Variants in INTS4 observed in about 807,000 individuals in gnomAD.
INTS4 encodes the protein integrator complex subunit 4.
A neutral mutation model predicts 119.5 loss-of-function variants in INTS4; 70 were observed. The ratio of observed to expected loss-of-function variants is 0.59; its 90% CI spans 0.48 to 0.71. The LOEUF is 0.71. INTS4 is among the 30% of genes least tolerant of loss of function. The pLI, the probability that INTS4 is intolerant of heterozygous loss-of-function variation, is 0.00. For missense variants in INTS4, 867 were observed against 1,173.2 expected (o/e 0.74, Z 3.81); for synonymous variants, 316 against 419.6 (o/e 0.75, Z 3.02).
rs1298700216 is a variant in INTS4 at position 77,878,891 on chromosome 11, C to G, written c.*58G>C. On this transcript the variant is annotated 3_prime_UTR_variant, in exon 23 of 23. Coordinates refer to ENST00000534064, the MANE Select transcript of INTS4 (RefSeq NM_033547.4). The stretch of plus-strand genomic sequence containing the variant: ...TCCAGGTGAAGTGCTTCAGGCTTGG[C>G]TCATTCTGACACCTAAGAAGGGCCC... 7.4e-7 allele frequency: 1 copy of G among 1,346,446 alleles called. No homozygotes were observed. The highest frequency in any genetic ancestry group is 1.4e-5 in the African/African-American group (1 of 69,664). 83.4% of individuals were successfully genotyped at this position (1,346,446 alleles called of 1,614,324 possible).
chr11:77,968,475 T>C (rs1398859732), intron 4 of INTS4, among the ~76,000 whole-genome samples: 1 of 152,150 alleles, frequency 6.6e-6, no homozygotes, highest in Non-Finnish European at 1.5e-5. Flanking sequence ...AGAATGGTGG[T>C]TGTTAGGGAC....
At chr11:77,914,446 C>T (rs1953160519) in intron 15 of INTS4, among the ~76,000 whole-genome samples, 2 of 152,162 alleles carry the variant, frequency 1.3e-5, no homozygotes, top group Admixed American at 6.5e-5. Flanking sequence ...GGGCTCAGGG[C>T]CAACAACCTC....
intron 18 of INTS4, among the ~76,000 whole-genome samples, chr11:77,896,473 A>G (rs1952523569): frequency 6.6e-6 from 1 of 151,988 alleles, no homozygotes; most frequent in African/African-American, 2.4e-5. Context: ...CCAAACATGG[A>G]GAAACCCTGT....
At chr11:77,980,680 C>T (rs1856170357) in intron 3 of INTS4, among the ~76,000 whole-genome samples, 1 of 152,160 alleles carries the variant, frequency 6.6e-6, no homozygotes, top group Non-Finnish European at 1.5e-5. Flanking sequence ...TGTGCCTAGC[C>T]TGTTTTAGTG....
chr11:77,877,862 G>C (rs1355180854), downstream of INTS4, among the ~76,000 whole-genome samples: 5 of 151,960 alleles, frequency 3.3e-5, no homozygotes. Flanking sequence ...TGGGATTATA[G>C]GCATGAGCCA....
intron 8 of INTS4, among the ~76,000 whole-genome samples, chr11:77,947,480 G>A (rs183784557): frequency 1.3e-5 from 2 of 152,294 alleles, no homozygotes; most frequent in East Asian, 1.9e-4. Context: ...GAGAGAATGG[G>A]ATAGAATTAA....
intron 15 of INTS4, chr11:77,910,968 A>G (rs1475537282): frequency 5.5e-6 from 7 of 1,283,206 alleles, no homozygotes; most frequent in Non-Finnish European, 7.1e-6. Context: ...ACTGTGGGAA[A>G]CCTTAAGGTC....
chr11:77,938,013 T>A (rs1056383424), intron 10 of INTS4, among the ~76,000 whole-genome samples: 6 of 151,982 alleles, frequency 3.9e-5, no homozygotes, highest in African/African-American at 1.5e-4. Flanking sequence ...ATACCAGCTA[T>A]TTTTTGTATT....
intron 11 of INTS4, among the ~76,000 whole-genome samples, chr11:77,925,949 A>G (rs1953487951): frequency 6.6e-6 from 1 of 152,242 alleles, no homozygotes. Context: ...GAAAGTCTTT[A>G]CTAACCACTC....
chr11:77,925,957 C>G (rs1163422800), intron 11 of INTS4, among the ~76,000 whole-genome samples: 1 of 152,228 alleles, frequency 6.6e-6, no homozygotes, highest in South Asian at 2.1e-4. Flanking sequence ...TTACTAACCA[C>G]TCAAATTACA....
chr11:77,969,354 C>T (rs901928055), intron 4 of INTS4, among the ~76,000 whole-genome samples: 2 of 151,908 alleles, frequency 1.3e-5, no homozygotes, highest in South Asian at 4.2e-4. Flanking sequence ...TATGTATAGG[C>T]GTATGTATGT....
chr11:77,975,306 T>C (rs1239124902), intron 4 of INTS4, among the ~76,000 whole-genome samples: 5 of 152,196 alleles, frequency 3.3e-5, no homozygotes, highest in Non-Finnish European at 7.3e-5. Flanking sequence ...ATTTTCTAAT[T>C]TCCCTTTTGA....
chr11:77,903,892 C>T (rs1203955783), intron 16 of INTS4, among the ~76,000 whole-genome samples: 1 of 152,160 alleles, frequency 6.6e-6, no homozygotes, highest in South Asian at 2.1e-4. Flanking sequence ...ACAGGAACCA[C>T]GAAAGCTTCA....
At chr11:77,881,417 A>G (rs1951787026) in intron 22 of INTS4, among the ~76,000 whole-genome samples, 1 of 152,176 alleles carries the variant, frequency 6.6e-6, no homozygotes, top group Non-Finnish European at 1.5e-5. Flanking sequence ...GGAGAAAGAA[A>G]CTGCAAGCTC....
In INTS4 at chr11:77,924,779, C is replaced by T. The variant is rs564720876; in HGVS notation, c.1485G>A (p.Lys495=). 23 of 1,609,002 alleles carry T rather than the reference C, an allele frequency of 1.4e-5. No homozygotes were observed. Among genetic ancestry groups the T allele is most frequent in the Non-Finnish European group, 2.0e-5 (23 of 1,175,554 alleles). ...ATATGGAGTCCCTATCAGTAGGGTACTTGGTTAAATTTTTCAGCAGCTCCA... is the reference window on the plus strand; with the variant it reads ...ATATGGAGTCCCTATCAGTAGGGTATTTGGTTAAATTTTTCAGCAGCTCCA... ...ALVELLKNLT[K]YPTDRDSIWK... is the part of the protein sequence containing the mutation. The change falls in exon 12 of 23, where the codon AAG becomes AAA. Residue 495 remains lysine (K), a synonymous_variant. Transcript: ENST00000534064.
chr11:77,934,340 T>C (rs1953738269), intron 10 of INTS4, among the ~76,000 whole-genome samples: 2 of 148,746 alleles, frequency 1.3e-5, no homozygotes, highest in Non-Finnish European at 3.0e-5. Flanking sequence ...TATTGTCCTA[T>C]GACCCTGCCA....
chr11:77,917,882 A>G (rs954728439), intron 15 of INTS4: 2 of 555,636 alleles, frequency 3.6e-6, no homozygotes, highest in African/African-American at 3.8e-5. Flanking sequence ...ACCAGGCATT[A>G]GTCACCCAGA....
chr11:77,970,353 C>T (rs1450866024), intron 4 of INTS4, among the ~76,000 whole-genome samples: 3 of 151,392 alleles, frequency 2.0e-5, no homozygotes, highest in African/African-American at 4.9e-5. Flanking sequence ...GAGCCAAGAT[C>T]GCACCACTGC....
At chr11:77,971,009 T>C (rs957274992) in intron 4 of INTS4, among the ~76,000 whole-genome samples, 3 of 151,992 alleles carry the variant, frequency 2.0e-5, no homozygotes, top group Admixed American at 6.5e-5. Context: ...GGTTTCATCA[T>C]GTTGGCCAGG....
Sources: allele counts gnomAD v4.1 joint callset (sites outside exome capture counted in the v4.1 genomes callset), GRCh38; gene constraint gnomAD v4.1.1; transcripts MANE v1.5; gene names NCBI Gene and HGNC (gene_info 2026-07-23, HGNC 2026-07-21).